PPP6R3: variants seen among roughly 807,000 people sequenced by gnomAD.
PPP6R3 encodes the protein protein phosphatase 6 regulatory subunit 3.
Under a neutral mutation model 110.7 loss-of-function variants are expected in PPP6R3, and 38 were observed. The ratio of observed to expected loss-of-function variants is 0.34; its 90% CI spans 0.26 to 0.45. PPP6R3 has a LOEUF of 0.45. Among genes scored for constraint, PPP6R3 ranks in the 20% least tolerant of loss-of-function variants. The pLI is 1.00. For missense variants in PPP6R3, 870 were observed against 1,062.4 expected, an observed-to-expected ratio of 0.82 and a Z score of 2.52; for synonymous variants, 369 against 373.5, an observed-to-expected ratio of 0.99 and a Z score of 0.14.
In PPP6R3 at chr11:68,471,298, AAAG is replaced by A. The variant is rs1245186408; in HGVS notation, c.-158+10474_-158+10476del. ...ATTCTGTCTCAAAAAAAAAAAAAAA[AAAG>A]AAAAAGAAATAGGAGTCTTCAATAT... On this transcript the variant is annotated intron_variant, in intron 1 of 23. Transcript: ENST00000393800. Among the ~76,000 whole-genome samples the A allele has an allele frequency of 2.6e-5, 4 of 151,652 alleles. No individual in the cohort carries two copies. The East Asian group carries it at 5.8e-4, about 22-fold the overall frequency.
At chr11:68,540,133 G>A (rs1021162530) in intron 3 of PPP6R3, among the ~76,000 whole-genome samples, 6 of 152,234 alleles carry the variant, frequency 3.9e-5, no homozygotes, top group African/African-American at 1.4e-4. Flanking sequence ...CAGGATGCTT[G>A]CTATACTTGG....
intron 2 of PPP6R3, among the ~76,000 whole-genome samples, chr11:68,533,159 G>A (rs2099250318): frequency 2.0e-5 from 3 of 152,138 alleles, no homozygotes; most frequent in Admixed American, 6.5e-5. Flanking sequence ...TTCATACCTG[G>A]TTTCTTTCTA....
intron 1 of PPP6R3, among the ~76,000 whole-genome samples, chr11:68,477,447 G>A (rs2098840334): frequency 6.6e-6 from 1 of 151,948 alleles, no homozygotes; most frequent in South Asian, 2.1e-4. Flanking sequence ...TCATCCAGGT[G>A]CAGTGACTTA....
intron 1 of PPP6R3, among the ~76,000 whole-genome samples, chr11:68,479,936 C>T (rs893308789): frequency 6.6e-5 from 10 of 151,894 alleles, no homozygotes; most frequent in Non-Finnish European, 1.5e-5. Flanking sequence ...CAGGGTTTTG[C>T]TATGTTGACC....
intron 2 of PPP6R3, among the ~76,000 whole-genome samples, chr11:68,530,528 T>C (rs933220809): frequency 6.6e-6 from 1 of 152,244 alleles, no homozygotes; most frequent in Non-Finnish European, 1.5e-5. Context: ...TAGAAATATC[T>C]TATGTGTGTT....
At chr11:68,604,200 A>C (rs1938072494) in intron 22 of PPP6R3, among the ~76,000 whole-genome samples, 1 of 152,222 alleles carries the variant, frequency 6.6e-6, no homozygotes, top group African/African-American at 2.4e-5. Flanking sequence ...ATTATTCTCA[A>C]AACTTAAGTT....
chr11:68,542,402 T>TTTTTTTTTTTG (rs1565717815), intron 3 of PPP6R3, among the ~76,000 whole-genome samples: 2 of 111,500 alleles, frequency 1.8e-5, no homozygotes, highest in Non-Finnish European at 3.9e-5. Flanking sequence ...TTTTTTTTTT[T>TTTTTTTTTTTG]TTTTTTTTTA....
intron 2 of PPP6R3, among the ~76,000 whole-genome samples, chr11:68,531,270 C>CT (rs1177049789): frequency 3.9e-5 from 6 of 151,920 alleles, no homozygotes; most frequent in African/African-American, 1.5e-4. Flanking sequence ...AATCTCAGGC[C>CT]TGAGCCCTGT....
intron 1 of PPP6R3, among the ~76,000 whole-genome samples, chr11:68,479,280 G>T (rs1262041521): frequency 1.3e-5 from 2 of 152,156 alleles, no homozygotes; most frequent in Non-Finnish European, 2.9e-5. Context: ...GATGCAGGGG[G>T]CTGGGAGGGT....
In PPP6R3 at chr11:68,580,746, C is replaced by CTT. The variant is rs71043441; in HGVS notation, c.1546-2255_1546-2254dup. ...CAAGTTTCCCCCATGGGTAAATAAT[C>CTT]TTTTTTTTTTTTTTTTTTTTTTTTT... On this transcript the variant is annotated intron_variant, in intron 14 of 23. Coordinates refer to ENST00000393800, the MANE Select transcript of PPP6R3 (RefSeq NM_001164161.2). Among the ~76,000 whole-genome samples, 7 of 67,530 alleles carry CTT rather than the reference C, an allele frequency of 1.0e-4. 1 individual carries two copies. Among genetic ancestry groups the CTT allele is most frequent in the Non-Finnish European group, 1.4e-4 (5 of 35,396 alleles). The allele number at this position is 67,530 out of a possible 152,430, so 44.3% of individuals were successfully genotyped here.
intron 3 of PPP6R3, among the ~76,000 whole-genome samples, chr11:68,544,511 C>T (rs951058483): frequency 2.6e-5 from 4 of 152,208 alleles, no homozygotes; most frequent in African/African-American, 7.2e-5. Flanking sequence ...ATGGCTCGTA[C>T]GTCCAGCCGC....
intron 1 of PPP6R3, among the ~76,000 whole-genome samples, chr11:68,468,392 T>C (rs1369724586): frequency 6.6e-6 from 1 of 152,206 alleles, no homozygotes; most frequent in East Asian, 1.9e-4. Flanking sequence ...ATCTGTCTCT[T>C]TTGTCTGCAA....
chr11:68,557,582 G>A (rs1336033444), intron 7 of PPP6R3, among the ~76,000 whole-genome samples: 3 of 151,952 alleles, frequency 2.0e-5, no homozygotes, highest in Admixed American at 1.3e-4. Flanking sequence ...GCAGTGGCGC[G>A]ATCTCAGCTT....
At chr11:68,546,133 G>A (rs1358911011) in intron 4 of PPP6R3, among the ~76,000 whole-genome samples, 1 of 152,210 alleles carries the variant, frequency 6.6e-6, no homozygotes, top group Non-Finnish European at 1.5e-5. Context: ...AATGGAGTAG[G>A]ATAAGCTTTC....
intron 1 of PPP6R3, among the ~76,000 whole-genome samples, chr11:68,499,088 CAT>C (rs906174563): frequency 2.0e-5 from 3 of 152,064 alleles, no homozygotes; most frequent in African/African-American, 2.4e-5. Context: ...TTTTATGAAA[CAT>C]ATGTTTAAGC....
intron 2 of PPP6R3, among the ~76,000 whole-genome samples, chr11:68,520,177 A>C (rs943451782): frequency 1.3e-5 from 2 of 152,240 alleles, no homozygotes; most frequent in Non-Finnish European, 2.9e-5. Flanking sequence ...GAAGTGGCGC[A>C]GTAGGTCCTT....
At chr11:68,570,804 C>T (rs1389794276) in intron 11 of PPP6R3, among the ~76,000 whole-genome samples, 1 of 152,168 alleles carries the variant, frequency 6.6e-6, no homozygotes, top group Non-Finnish European at 1.5e-5. Context: ...GTTAACTGCA[C>T]TACCTATAAT....
intron 18 of PPP6R3, 148 bp from the exon 19 acceptor site, chr11:68,595,949 C>T (rs777016671): frequency 6.8e-5 from 65 of 955,476 alleles, no homozygotes; most frequent in African/African-American, 1.7e-4. Context: ...TGAGTCTTCC[C>T]GGGCATCCTG....
At chr11:68,471,339 T>A (rs1356869737) in intron 1 of PPP6R3, among the ~76,000 whole-genome samples, 1 of 151,370 alleles carries the variant, frequency 6.6e-6, no homozygotes, top group Non-Finnish European at 1.5e-5. Flanking sequence ...AGGTGGCATT[T>A]AACAGTCCCG....
Sources: allele counts gnomAD v4.1 joint callset (sites outside exome capture counted in the v4.1 genomes callset), GRCh38; gene constraint gnomAD v4.1.1; transcripts MANE v1.5; gene names NCBI Gene and HGNC (gene_info 2026-07-23, HGNC 2026-07-21).